Variants in ACOX3 observed in about 807,000 individuals in gnomAD.
ACOX3 encodes the protein acyl-CoA oxidase 3, pristanoyl, also known as peroxisomal acyl-coenzyme A oxidase 3.
Under a neutral mutation model 81.5 loss-of-function variants are expected in ACOX3, and 73 were observed. That is an observed-to-expected ratio of 0.90 (90% confidence interval 0.74 to 1.09). The LOEUF is 1.09. Ranked by LOEUF, ACOX3 falls within the 50% of genes least tolerant of loss-of-function variation. The pLI is 0.00. For missense variants in ACOX3, 947 were observed against 928.0 expected, an observed-to-expected ratio of 1.02 and a Z score of -0.27; for synonymous variants, 387 against 375.1, an observed-to-expected ratio of 1.03 and a Z score of -0.37.
intron 11 of ACOX3, among the ~76,000 whole-genome samples, chr4:8,390,575 G>GT (rs1043136077): frequency 6.6e-6 from 1 of 152,218 alleles, no homozygotes; most frequent in African/African-American, 2.4e-5. Context: ...CAAGATAACT[G>GT]TTTTTTGTCT....
At chr4:8,357,487 T>A in the ACOX3 span, 5 of 335,694 alleles carry the variant, frequency 1.5e-5, no homozygotes, top group Non-Finnish European at 3.0e-5. Context: ...TCTTTAAAGT[T>A]TTCTACATTA....
chr4:8,356,674 G>T, the ACOX3 span: 2 of 455,760 alleles, frequency 4.4e-6, no homozygotes, highest in African/African-American at 4.0e-5. Flanking sequence ...CCTGTTCCTG[G>T]CAGGTGAGGG....
At chr4:8,438,879 C>G (rs888192016) in intron 1 of ACOX3, 1 of 152,192 alleles carries the variant, frequency 6.6e-6, no homozygotes, top group Non-Finnish European at 1.5e-5. Flanking sequence ...GATTCGGAGA[C>G]GAGACCAAGC....
chr4:8,356,740 A>C, the ACOX3 span: 1 of 456,500 alleles, frequency 2.2e-6, no homozygotes, highest in South Asian at 1.5e-5. Flanking sequence ...CGAGAGGAAG[A>C]AAGTGTGCAG....
At position 8,381,665 on chromosome 4, in the gene ACOX3, C is replaced by T. The variant is rs905940987; in HGVS notation, c.1538-58G>A. ...ACAATAGAGAACACAGCATTTGTCA[C>T]AACTCACCCCCAGGGACAAGGCACT... is the stretch of plus-strand genomic sequence containing the variant. On this transcript the variant is annotated intron_variant, in intron 13 of 17. Transcript: ENST00000356406. The surrounding 1 kb of genome is among the most constrained non-coding windows in gnomAD (Gnocchi z 4.3). 1.6e-5 allele frequency: 21 copies of T among 1,337,192 alleles called. No individual in the cohort carries two copies. The highest frequency in any genetic ancestry group is 3.6e-4 in the Middle Eastern group (2 of 5,500). The allele number at this position is 1,337,192 out of a possible 1,614,324, so 82.8% of individuals were successfully genotyped here.
chr4:8,383,213 A>G (rs1308363899), intron 13 of ACOX3, among the ~76,000 whole-genome samples: 1 of 152,154 alleles, frequency 6.6e-6, no homozygotes, highest in Non-Finnish European at 1.5e-5. Flanking sequence ...CTGACCCCGC[A>G]GGCAGGGCAC....
At position 8,414,223 on chromosome 4, in the gene ACOX3, C is replaced by T. The variant is rs1479821555; in HGVS notation, c.543+69G>A. On this transcript the variant is annotated intron_variant, in intron 5 of 17. Transcript: ENST00000356406. The surrounding 1 kb of genome is among the most constrained non-coding windows in gnomAD (Gnocchi z 6.1). ...AATGTTTTTTTTTTCTTATTCTGGGCAACGGCATTTGCACTCATGACGTCT... is the reference window on the plus strand; with the variant it reads ...AATGTTTTTTTTTTCTTATTCTGGGTAACGGCATTTGCACTCATGACGTCT... The T allele has an allele frequency of 3.3e-5, 43 of 1,319,082 alleles. No individual in the cohort carries two copies. The East Asian group carries it at 9.9e-4, about 30-fold the overall frequency. 81.7% of individuals were successfully genotyped at this position (1,319,082 alleles called of 1,614,324 possible).
At chr4:8,387,316 A>C (rs1427155052) in intron 13 of ACOX3, among the ~76,000 whole-genome samples, 1 of 152,172 alleles carries the variant, frequency 6.6e-6, no homozygotes, top group African/African-American at 2.4e-5. Context: ...TGTAGGTTCC[A>C]CGGCCAGCAG....
At chr4:8,415,580 T>TA (rs1274504431) in intron 3 of ACOX3, among the ~76,000 whole-genome samples, 186 bp downstream of exon 3, 2 of 150,938 alleles carry the variant, frequency 1.3e-5, no homozygotes, top group African/African-American at 4.9e-5. Context: ...GGCTTGAAAA[T>TA]AAAAAAATGA....
At position 8,366,868 on chromosome 4, in the gene ACOX3, A is replaced by C. The variant is rs927245608; in HGVS notation, c.*93T>G. The C allele has an allele frequency of 3.4e-5, 52 of 1,530,238 alleles. No individual in the cohort carries two copies. In the African/African-American group the frequency reaches 6.2e-4, roughly 18 times the overall value. 94.8% of individuals were successfully genotyped at this position (1,530,238 alleles called of 1,614,324 possible). The stretch of plus-strand genomic sequence containing the variant: ...AGGTGCGGGCTCAGAAAGCAGCAGC[A>C]ATCTCCGGCGTGTTCTGGAATCAGA... On this transcript the variant is annotated 3_prime_UTR_variant, in exon 18 of 18. Transcript: ENST00000356406.
intron 6 of ACOX3, among the ~76,000 whole-genome samples, chr4:8,408,352 G>A (rs1721255087): frequency 6.6e-6 from 1 of 151,962 alleles, no homozygotes; most frequent in Non-Finnish European, 1.5e-5. Flanking sequence ...TCACAATCCT[G>A]TCCAAATAAC....
intron 16 of ACOX3, among the ~76,000 whole-genome samples, chr4:8,372,023 T>A (rs1241484585): frequency 2.0e-5 from 3 of 152,072 alleles, no homozygotes. Context: ...CCCAAGACAG[T>A]GGTATGGATG....
Position 8,440,671 on chromosome 4 carries a change from C to T in ACOX3, c.-38G>A, listed in dbSNP as rs1724573777. On this transcript the variant is annotated 5_prime_UTR_variant, in exon 1 of 18. Coordinates refer to ENST00000356406, the MANE Select transcript of ACOX3 (RefSeq NM_003501.3). ...ACCCACACACTCCACAGTTCAACCC[C>T]TGCCAGGGAAACCAAAAGCAGGAAA... 2.0e-6 allele frequency: 2 copies of T among 1,010,166 alleles called. No individual in the cohort carries two copies. Among genetic ancestry groups the T allele is most frequent in the Non-Finnish European group, 2.7e-6 (2 of 734,460 alleles). The allele number at this position is 1,010,166 out of a possible 1,614,324, so 62.6% of individuals were successfully genotyped here. A position where few individuals can be genotyped will look rare whatever the true frequency, so the allele number is the denominator to read the frequency against.
rs574347357 is a variant in ACOX3, at chr4:8,381,920, C to T, written c.1538-313G>A. ...CGCTAGAGTGGGCCCCCGAGTGGGACGGCTGCACGTTCTCGCACGCACCAG... is the reference window on the plus strand; with the variant it reads ...CGCTAGAGTGGGCCCCCGAGTGGGATGGCTGCACGTTCTCGCACGCACCAG... On this transcript the variant is annotated intron_variant, in intron 13 of 17. Transcript: ENST00000356406. This position sits in a 1 kb window ranked among gnomAD's most constrained non-coding sequence, Gnocchi z 4.3. Among the ~76,000 whole-genome samples the T allele has an allele frequency of 2.3e-4, 35 of 152,372 alleles. No homozygotes were observed. The highest frequency in any genetic ancestry group is 1.0e-3 in the South Asian group (5 of 4,832).
At position 8,386,456 on chromosome 4, in the gene ACOX3, C is replaced by T. The variant is rs1222033848; in HGVS notation, c.1537+2717G>A. On this transcript the variant is annotated intron_variant, in intron 13 of 17. Coordinates refer to ENST00000356406, the MANE Select transcript of ACOX3 (RefSeq NM_003501.3). This position sits in a 1 kb window ranked among gnomAD's most constrained non-coding sequence, Gnocchi z 5.2. ...TTGTGGGCTCCTGTAGTCCCAGCTACTCCGGAGGCTGAGGCAGGAGAATGG... is the reference window on the plus strand; with the variant it reads ...TTGTGGGCTCCTGTAGTCCCAGCTATTCCGGAGGCTGAGGCAGGAGAATGG... 2.6e-5 allele frequency among the ~76,000 whole-genome samples: 4 copies of T among 151,732 alleles called. No homozygotes were observed. The highest frequency in any genetic ancestry group is 4.4e-5 in the Non-Finnish European group (3 of 67,994).
chr4:8,356,770 A>T, the ACOX3 span: 8 of 456,314 alleles, frequency 1.8e-5, no homozygotes, highest in African/African-American at 1.4e-4. Flanking sequence ...CGCCAACATG[A>T]TCCCAGCAGG....
At chr4:8,388,733 G>A (rs1290386106) in intron 13 of ACOX3, among the ~76,000 whole-genome samples, 1 of 152,208 alleles carries the variant, frequency 6.6e-6, no homozygotes. Context: ...AGGTGCGCCA[G>A]GGCGGGAAGG....
rs190763794 is a variant in ACOX3 at position 8,406,181 on chromosome 4, G to T, written c.688-138C>A. On this transcript the variant is annotated intron_variant, in intron 6 of 17. Transcript: ENST00000356406. The surrounding 1 kb of genome is among the most constrained non-coding windows in gnomAD (Gnocchi z 5.6). The stretch of plus-strand genomic sequence containing the variant: ...GTGGGTTAAACCATCCTCCAGAAAT[G>T]ATACATCCAAGTCCTAACCCCAGGA... The T allele has an allele frequency of 1.7e-4, 128 of 764,566 alleles. No individual in the cohort carries two copies. Among genetic ancestry groups the T allele is most frequent in the Non-Finnish European group, 2.6e-4 (117 of 444,188 alleles). 47.4% of individuals were successfully genotyped at this position (764,566 alleles called of 1,614,324 possible).
At chr4:8,363,748 C>T (rs1448462084), downstream of ACOX3, among the ~76,000 whole-genome samples, 5 of 152,016 alleles carry the variant, frequency 3.3e-5, no homozygotes, top group Non-Finnish European at 7.4e-5. Context: ...AAATGGGTGG[C>T]AGTAAGGAAG....
Sources: allele counts gnomAD v4.1 joint callset (sites outside exome capture counted in the v4.1 genomes callset), GRCh38; gene constraint gnomAD v4.1.1; non-coding constraint Gnocchi (gnomAD v3.1); transcripts MANE v1.5; gene names NCBI Gene and HGNC (gene_info 2026-07-23, HGNC 2026-07-21).